ZBED4: variants seen among roughly 807,000 people sequenced by gnomAD.
The protein encoded by ZBED4 is zinc finger BED domain-containing protein 4.
A neutral mutation model predicts 15.5 loss-of-function variants in ZBED4; 4 were observed. The ratio of observed to expected loss-of-function variants is 0.26; its 90% CI spans 0.13 to 0.59. ZBED4 has a LOEUF of 0.59. ZBED4 is among the 20% of genes least tolerant of loss of function. The probability of loss-of-function intolerance (pLI) is 0.90; values close to 1 mark genes in which losing one functional copy is unlikely to be tolerated. For synonymous variants in ZBED4, 692 were observed against 608.5 expected (o/e 1.14, Z -2.02); for missense variants, 1,323 against 1,461.8 (o/e 0.91, Z 1.55).
At chr22:49,871,760 T>TTA (rs1555923866) in intron 1 of ZBED4, among the ~76,000 whole-genome samples, 23 of 128,698 alleles carry the variant, frequency 1.8e-4, no homozygotes, top group African/African-American at 6.5e-4. Context: ...TTTATTTATT[T>TTA]TTTTTTTTTT....
In ZBED4 at chr22:49,886,867, G is replaced by A. The variant is rs568693635; in HGVS notation, c.3205G>A (p.Ala1069Thr). The change falls in exon 2 of 2, where the codon GCC (alanine) becomes ACC (threonine). Residue 1069 changes from alanine (A) to threonine (T), a missense_variant. Physicochemically the swap from Ala to Thr is moderately conservative, Grantham distance 58. Transcript: ENST00000216268. The surrounding 1 kb of genome is among the most constrained non-coding windows in gnomAD (Gnocchi z 7.7). ...AGAGGAGAACCTGTGGTCACTTGTGGCCAAGGTGAAGAAGAAAGACCCAAG... is the reference window on the plus strand; with the variant it reads ...AGAGGAGAACCTGTGGTCACTTGTGACCAAGGTGAAGAAGAAAGACCCAAG... ...AAEENLWSLV[A>T]KVKKKDPREK... is the part of the protein sequence containing the mutation. The A allele has an allele frequency of 1.2e-6, 2 of 1,614,110 alleles. No individual in the cohort carries two copies. The highest frequency in any genetic ancestry group is 1.3e-5 in the African/African-American group (1 of 75,034).
At chr22:49,858,409 T>C (rs868358727) in intron 1 of ZBED4, among the ~76,000 whole-genome samples, 2 of 152,232 alleles carry the variant, frequency 1.3e-5, no homozygotes, top group Non-Finnish European at 2.9e-5. Flanking sequence ...GGAGTCTTGA[T>C]GCATAGCTCT....
chr22:49,878,939 T>G (rs1210163501), intron 1 of ZBED4, among the ~76,000 whole-genome samples: 1 of 151,534 alleles, frequency 6.6e-6, no homozygotes. Flanking sequence ...GGTCAAGAGA[T>G]AGAGACCATC....
chr22:49,855,222 G>GA (rs2060269939), intron 1 of ZBED4, among the ~76,000 whole-genome samples: 1 of 152,146 alleles, frequency 6.6e-6, no homozygotes, highest in Non-Finnish European at 1.5e-5. Context: ...CACAAGTTAA[G>GA]AGAGATTCTG....
Position 49,884,383 on chromosome 22 carries a change from G to C in ZBED4, c.721G>C (p.Val241Leu), listed in dbSNP as rs146151193. The change falls in exon 2 of 2, where the codon GTT (valine) becomes CTT (leucine). Residue 241 changes from valine to leucine, a missense_variant. Physicochemically the swap from Val to Leu is conservative, Grantham distance 32. Coordinates refer to ENST00000216268, the MANE Select transcript of ZBED4 (RefSeq NM_014838.3). ...TGAAGAAATCTCCTCTGACATGTCCGTTTCGGAGAAGTGCGGCAGAGAAGA... is the reference window on the plus strand; with the variant it reads ...TGAAGAAATCTCCTCTGACATGTCCCTTTCGGAGAAGTGCGGCAGAGAAGA... ...SSEEISSDMS[V>L]SEKCGREEAL... 4 of 1,612,626 alleles carry C rather than the reference G, an allele frequency of 2.5e-6. No individual in the cohort carries two copies. Among genetic ancestry groups the C allele is most frequent in the South Asian group, 2.2e-5 (2 of 91,004 alleles).
Position 49,887,447 on chromosome 22 carries a change from A to G in ZBED4, c.*269A>G, listed in dbSNP as rs1170171805. The G allele has an allele frequency of 6.2e-6, 2 of 324,182 alleles. No individual in the cohort carries two copies. Among genetic ancestry groups the G allele is most frequent in the East Asian group, 1.0e-4 (2 of 19,716 alleles). The allele number at this position is 324,182 out of a possible 1,614,324, so 20.1% of individuals were successfully genotyped here. A position where few individuals can be genotyped will look rare whatever the true frequency, so the allele number is the denominator to read the frequency against. ...TGACTAGATTTTAATTCATAACCGT[A>G]AAGTTTTTTAAAGTTTTGGGTTAGT... On this transcript the variant is annotated 3_prime_UTR_variant, in exon 2 of 2. Coordinates refer to ENST00000216268, the MANE Select transcript of ZBED4 (RefSeq NM_014838.3).
At chr22:49,862,354 C>G (rs554944580) in intron 1 of ZBED4, among the ~76,000 whole-genome samples, 4 of 152,202 alleles carry the variant, frequency 2.6e-5, no homozygotes, top group African/African-American at 7.2e-5. Flanking sequence ...AGTCTCTCAC[C>G]GTGGCCTGCA....
At chr22:49,864,334 A>G (rs1445550703) in intron 1 of ZBED4, among the ~76,000 whole-genome samples, 3 of 152,206 alleles carry the variant, frequency 2.0e-5, no homozygotes, top group Non-Finnish European at 4.4e-5. Flanking sequence ...CAAAATAACA[A>G]TGGCAGTACA....
chr22:49,859,881 G>C (rs1259220372), intron 1 of ZBED4, among the ~76,000 whole-genome samples: 1 of 151,882 alleles, frequency 6.6e-6, no homozygotes, highest in East Asian at 1.9e-4. Context: ...ACAGAAATCA[G>C]CTGGGCATGA....
intron 1 of ZBED4, 34 bp from the exon 2 acceptor site, chr22:49,883,300 A>C (rs2060419135): frequency 6.0e-6 from 1 of 166,586 alleles, no homozygotes; most frequent in Non-Finnish European, 1.3e-5. Flanking sequence ...TGTGTGATTT[A>C]GTTCCATGCT....
intron 1 of ZBED4, among the ~76,000 whole-genome samples, chr22:49,856,978 G>T (rs1040240446): frequency 6.6e-6 from 1 of 152,216 alleles, no homozygotes; most frequent in Non-Finnish European, 1.5e-5. Flanking sequence ...ATGCTGGCCT[G>T]GCCCTGGGGA....
chr22:49,887,335 A>AC lies in ZBED4; in HGVS notation c.*161dup, dbSNP rs1440091469. The AC allele has an allele frequency of 8.1e-5, 57 of 699,542 alleles. No homozygotes were observed. The East Asian group carries it at 1.6e-3, about 20-fold the overall frequency. The allele number at this position is 699,542 out of a possible 1,614,324, so 43.3% of individuals were successfully genotyped here. ...TCACCACAGTGTCTCCACGTGCCTTACCCCTTCTCCTTCAGGCCAAGTTTC... is the reference window on the plus strand; with the variant it reads ...TCACCACAGTGTCTCCACGTGCCTTACCCCCTTCTCCTTCAGGCCAAGTTTC... On this transcript the variant is annotated 3_prime_UTR_variant, in exon 2 of 2. Transcript: ENST00000216268.
chr22:49,858,166 G>T (rs537261231), intron 1 of ZBED4, among the ~76,000 whole-genome samples: 1 of 150,570 alleles, frequency 6.6e-6, no homozygotes, highest in East Asian at 2.0e-4. Context: ...CCTCCCAAAG[G>T]GCTGGGATTA....
chr22:49,886,244 A>G lies in ZBED4; in HGVS notation c.2582A>G (p.His861Arg), dbSNP rs748389974. 3.8e-6 allele frequency: 4 copies of G among 1,043,072 alleles called. No individual in the cohort carries two copies. The highest frequency in any genetic ancestry group is 1.6e-5 in the African/African-American group (1 of 63,104). 64.6% of individuals were successfully genotyped at this position (1,043,072 alleles called of 1,614,324 possible). A position where few individuals can be genotyped will look rare whatever the true frequency, so the allele number is the denominator to read the frequency against. The change falls in exon 2 of 2, where the codon CAC becomes CGC. Residue 861 changes from histidine (H) to arginine (R), a missense_variant. This residue lies in a region of ZBED4 where 100 missense variants were observed against 79.3 expected (regional missense o/e 1.26). Transcript: ENST00000216268. This position sits in a 1 kb window ranked among gnomAD's most constrained non-coding sequence, Gnocchi z 7.7. ...GCCCGGAAGATCTGCGAGCGGGTGC[A>G]CCGGTCGCCCAAGGCGAAGGAGAAA... The part of the protein sequence containing the change: ...SLARKICERV[H>R]RSPKAKEKLA...
At chr22:49,854,781 C>T (rs1477267108) in intron 1 of ZBED4, among the ~76,000 whole-genome samples, 1 of 152,190 alleles carries the variant, frequency 6.6e-6, no homozygotes, top group Non-Finnish European at 1.5e-5. Flanking sequence ...TCAGAAGCTT[C>T]TGTTGGTGTT....
rs1200699585 is a variant in ZBED4 at position 49,887,363 on chromosome 22, G to C, written c.*185G>C. 2 of 530,616 alleles carry C rather than the reference G, an allele frequency of 3.8e-6. No homozygotes were observed. Among genetic ancestry groups the C allele is most frequent in the Non-Finnish European group, 3.3e-6 (1 of 303,338 alleles). 32.9% of individuals were successfully genotyped at this position (530,616 alleles called of 1,614,324 possible). ...CCTTCTCCTTCAGGCCAAGTTTCGC[G>C]GGGTGTTTTATTAAGACGTCCACTA... On this transcript the variant is annotated 3_prime_UTR_variant, in exon 2 of 2. Coordinates refer to ENST00000216268, the MANE Select transcript of ZBED4 (RefSeq NM_014838.3).
Position 49,886,189 on chromosome 22 carries a change from C to T in ZBED4, c.2527C>T (p.Gln843Ter). Residue 843 changes from glutamine (Q) to a stop codon, truncating the protein, a stop_gained, in exon 2 of 2, where the codon CAG becomes TAG. Transcript: ENST00000216268. LOFTEE classifies it high-confidence loss of function. The surrounding 1 kb of genome is among the most constrained non-coding windows in gnomAD (Gnocchi z 7.7). The part of the protein sequence containing the change: ...NLIVSEAIKS[Q>*]RMVQNLLSLA... ...GATCGTCAGCGAGGCCATTAAGAGC[C>T]AGCGGATGGTGCAGAACCTGCTGAG... is the stretch of plus-strand genomic sequence containing the variant. The T allele has an allele frequency of 1.4e-6, 1 of 728,120 alleles. No individual in the cohort carries two copies. Among genetic ancestry groups the T allele is most frequent in the Non-Finnish European group, 2.5e-6 (1 of 407,826 alleles). 45.1% of individuals were successfully genotyped at this position (728,120 alleles called of 1,614,324 possible).
Position 49,885,375 on chromosome 22 carries a change from C to A in ZBED4, c.1713C>A (p.Ser571=). 6.3e-7 allele frequency: 1 copy of A among 1,594,778 alleles called. No homozygotes were observed. The highest frequency in any genetic ancestry group is 8.6e-7 in the Non-Finnish European group (1 of 1,166,872). ...TGTGGAATCATTTTTCTATTTGCTCCGCAGACTCCACAAAAGTCGTGTGCT... is the reference window on the plus strand; with the variant it reads ...TGTGGAATCATTTTTCTATTTGCTCAGCAGACTCCACAAAAGTCGTGTGCT... ...SKLWNHFSIC[S]ADSTKVVCLH... is the part of the protein sequence containing the mutation. Residue 571 remains serine, a synonymous_variant, in exon 2 of 2, where the codon TCC becomes TCA. Transcript: ENST00000216268.
chr22:49,861,119 A>C (rs2060295460), intron 1 of ZBED4, among the ~76,000 whole-genome samples: 1 of 152,182 alleles, frequency 6.6e-6, no homozygotes, highest in Non-Finnish European at 1.5e-5. Context: ...AAAAGTAAGC[A>C]AAACACACCC....
Sources: allele counts gnomAD v4.1 joint callset (sites outside exome capture counted in the v4.1 genomes callset), GRCh38; gene constraint gnomAD v4.1.1; regional missense constraint gnomAD v4.1.1; non-coding constraint Gnocchi (gnomAD v3.1); transcripts MANE v1.5; gene names NCBI Gene and HGNC (gene_info 2026-07-23, HGNC 2026-07-21).